ATF6: variants seen among roughly 807,000 people sequenced by gnomAD.
ATF6 encodes activating transcription factor 6.
ATF6 carries 53 observed loss-of-function variants against 83.6 expected under a neutral mutation model. That is an observed-to-expected ratio of 0.63 (90% CI 0.51 to 0.80). The LOEUF (loss-of-function observed/expected upper bound fraction) is 0.80. Among genes scored for constraint, ATF6 ranks in the 30% least tolerant of loss-of-function variants. The pLI is 0.00. For synonymous variants in ATF6, 288 were observed against 285.8 expected, an observed-to-expected ratio of 1.01 and a Z score of -0.08; for missense variants, 744 against 797.9, an observed-to-expected ratio of 0.93 and a Z score of 0.81.
At chr1:161,766,527 A>AC in intron 1 of ATF6, 85 bp downstream of exon 1, 2 of 1,294,318 alleles carry the variant, frequency 1.5e-6, no homozygotes, top group Non-Finnish European at 1.1e-6. Context: ...ACTCGTGGTG[A>AC]CAGGTGTGGA....
intron 15 of ATF6, among the ~76,000 whole-genome samples, chr1:161,947,423 GC>G (rs1159168321): frequency 5.3e-5 from 8 of 152,194 alleles, no homozygotes; most frequent in Non-Finnish European, 1.0e-4. Flanking sequence ...CCGGATTCTT[GC>G]TCAAACTGGA....
At chr1:161,838,172 G>A (rs1686269065) in intron 9 of ATF6, among the ~76,000 whole-genome samples, 2 of 152,190 alleles carry the variant, frequency 1.3e-5, no homozygotes, top group Non-Finnish European at 2.9e-5. Flanking sequence ...TAACAGAAAA[G>A]AGAGATTGTA....
chr1:161,956,941 A>G (rs1230123231), intron 15 of ATF6, among the ~76,000 whole-genome samples: 3 of 152,106 alleles, frequency 2.0e-5, no homozygotes, highest in Admixed American at 6.5e-5. Flanking sequence ...TGCACACACA[A>G]AACTTTGCGT....
intron 14 of ATF6, among the ~76,000 whole-genome samples, chr1:161,886,146 A>G (rs1319630324): frequency 1.3e-5 from 2 of 152,196 alleles, no homozygotes; most frequent in Non-Finnish European, 2.9e-5. Context: ...CATTTCAGAC[A>G]GAGAGGTGAA....
intron 1 of ATF6, 57 bp from the exon 2 acceptor site, chr1:161,778,187 T>A: frequency 6.9e-7 from 1 of 1,453,508 alleles, no homozygotes; most frequent in Non-Finnish European, 9.6e-7. Flanking sequence ...CAGTGCTTGT[T>A]TCTTTGTCAA....
At chr1:161,895,421 A>G (rs1020790251) in intron 14 of ATF6, among the ~76,000 whole-genome samples, 2 of 152,222 alleles carry the variant, frequency 1.3e-5, no homozygotes, top group Non-Finnish European at 2.9e-5. Flanking sequence ...AATATAGTAT[A>G]TGCCTACTTT....
At chr1:161,834,034 T>C in intron 9 of ATF6, among the ~76,000 whole-genome samples, 1 of 152,168 alleles carries the variant, frequency 6.6e-6, no homozygotes, top group Non-Finnish European at 1.5e-5. Context: ...CAAAGGGAAG[T>C]CCATCAGACT....
chr1:161,912,103 C>T (rs1361368867), intron 14 of ATF6, among the ~76,000 whole-genome samples, 193 bp from the exon 15 acceptor site: 2 of 152,138 alleles, frequency 1.3e-5, no homozygotes, highest in East Asian at 3.9e-4. Context: ...ACGGTAGACA[C>T]TCTGTAAATG....
chr1:161,822,535 TC>T (rs1290350066), intron 9 of ATF6, among the ~76,000 whole-genome samples: 1 of 133,526 alleles, frequency 7.5e-6, no homozygotes, highest in African/African-American at 4.0e-5. Flanking sequence ...TTGAATGATC[TC>T]TTTTTTAAAA....
intron 15 of ATF6, among the ~76,000 whole-genome samples, chr1:161,941,884 G>A (rs898149126): frequency 2.0e-5 from 3 of 151,960 alleles, no homozygotes; most frequent in Admixed American, 6.6e-5. Context: ...GAGATCTGCC[G>A]CTACGAGCTT....
intron 15 of ATF6, among the ~76,000 whole-genome samples, chr1:161,921,031 A>T (rs1688204440): frequency 6.6e-6 from 1 of 151,998 alleles, no homozygotes; most frequent in South Asian, 2.1e-4. Context: ...GTGCCTGGCC[A>T]TCCGTTGTTT....
intron 15 of ATF6, among the ~76,000 whole-genome samples, chr1:161,921,937 A>G (rs1366866599): frequency 2.0e-5 from 3 of 152,202 alleles, no homozygotes; most frequent in South Asian, 2.1e-4. Context: ...AGCAAGAAAT[A>G]TAGAGTGGGA....
intron 12 of ATF6, among the ~76,000 whole-genome samples, chr1:161,859,380 A>G (rs12409482): frequency 0.14 from 21,546 of 152,224 alleles, 2,095 homozygotes; most frequent in East Asian, 0.31. Context: ...TTCCCAGTTA[A>G]ACTGCGAGCT....
chr1:161,801,572 G>A (rs1036628294), intron 6 of ATF6, among the ~76,000 whole-genome samples: 1 of 151,916 alleles, frequency 6.6e-6, no homozygotes, highest in Non-Finnish European at 1.5e-5. Flanking sequence ...TGCATGGCCT[G>A]TAGCTCCTTC....
At chr1:161,893,669 T>C (rs1687608203) in intron 14 of ATF6, among the ~76,000 whole-genome samples, 1 of 152,216 alleles carries the variant, frequency 6.6e-6, no homozygotes, top group African/African-American at 2.4e-5. Context: ...TAAGGTGTTC[T>C]ATCTGATTCA....
chr1:161,938,727 G>C (rs1350329110), intron 15 of ATF6, among the ~76,000 whole-genome samples: 3 of 152,158 alleles, frequency 2.0e-5, no homozygotes, highest in Non-Finnish European at 4.4e-5. Flanking sequence ...AGCTTATTAT[G>C]AGGAAAGCTG....
intron 15 of ATF6, among the ~76,000 whole-genome samples, chr1:161,939,571 G>T (rs1424536017): frequency 6.6e-6 from 1 of 152,216 alleles, no homozygotes; most frequent in African/African-American, 2.4e-5. Flanking sequence ...GTCCAAGACT[G>T]ATAGGATAGC....
Position 161,923,749 on chromosome 1 carries a change from A to T in ATF6, c.1804+11369A>T, listed in dbSNP as rs1688259049. ...AGAGGTTTAGATTCAATCAGCTTGC[A>T]TTGATCCTTCTAGGATATTAGTTAC... On this transcript the variant is annotated intron_variant, in intron 15 of 15. Coordinates refer to ENST00000367942, the MANE Select transcript of ATF6 (RefSeq NM_007348.4). 2.6e-5 allele frequency among the ~76,000 whole-genome samples: 4 copies of T among 152,322 alleles called. No homozygotes were observed. In the South Asian group the frequency reaches 8.3e-4, roughly 32 times the overall value.
At chr1:161,893,495 T>C (rs1439345659) in intron 14 of ATF6, among the ~76,000 whole-genome samples, 1 of 152,226 alleles carries the variant, frequency 6.6e-6, no homozygotes, top group African/African-American at 2.4e-5. Context: ...AGTAAACTCC[T>C]GAAAAATGAT....
Sources: gnomAD v4.1 joint callset for allele counts (sites outside exome capture counted in the v4.1 genomes callset) on GRCh38, gnomAD v4.1.1 for gene constraint, MANE v1.5 for transcripts, NCBI Gene and HGNC (gene_info 2026-07-23, HGNC 2026-07-21) for gene names.